The following JDP2 variants were observed in gnomAD, a reference collection of about 807,000 sequenced individuals.
JDP2 encodes progesterone receptor co-activator.
JDP2 carries 9 observed loss-of-function variants against 17.1 expected under a neutral mutation model. The ratio of observed to expected loss-of-function variants is 0.53; its 90% CI spans 0.32 to 0.92. The LOEUF is 0.92. Ranked by LOEUF, JDP2 falls within the 40% of genes least tolerant of loss-of-function variation. JDP2 has a pLI of 0.04. For missense variants in JDP2, 179 were observed against 220.0 expected, an observed-to-expected ratio of 0.81 and a Z score of 1.18; for synonymous variants, 107 against 95.6, an observed-to-expected ratio of 1.12 and a Z score of -0.69.
rs78076619 is a variant in JDP2, at chr14:75,469,587, A to C, written c.*112A>C. ...TCCTTTGGTGCATGAAAAACTGTAC[A>C]ATGAGGTTCAGCACAGCCAGCATCA... On this transcript the variant is annotated 3_prime_UTR_variant, in exon 4 of 4. Coordinates refer to ENST00000651602, the MANE Select transcript of JDP2 (RefSeq NM_001135048.2). 1.1e-6 allele frequency: 1 copy of C among 911,822 alleles called. No individual in the cohort carries two copies. Among genetic ancestry groups the C allele is most frequent in the East Asian group, 2.7e-5 (1 of 37,564 alleles). The allele number at this position is 911,822 out of a possible 1,614,324, so 56.5% of individuals were successfully genotyped here. A position where few individuals can be genotyped will look rare whatever the true frequency, so the allele number is the denominator to read the frequency against.
chr14:75,461,887 TGGGTGCCAATGAAGCTAG>T (rs1174253797), intron 3 of JDP2, among the ~76,000 whole-genome samples: 1 of 152,132 alleles, frequency 6.6e-6, no homozygotes, highest in African/African-American at 2.4e-5. Context: ...TCGTCTAGGG[TGGGTGCCAATGAAGCTAG>T]GTAGTAACAT....
At chr14:75,433,952 T>C (rs547925091) in intron 1 of JDP2, among the ~76,000 whole-genome samples, 2 of 152,318 alleles carry the variant, frequency 1.3e-5, no homozygotes, top group East Asian at 3.9e-4. Flanking sequence ...TCCTGGGCCC[T>C]GAAGGGAAAA....
At chr14:75,447,332 T>C (rs1885648435) in intron 2 of JDP2, among the ~76,000 whole-genome samples, 2 of 152,258 alleles carry the variant, frequency 1.3e-5, no homozygotes, top group Non-Finnish European at 1.5e-5. Context: ...ACGTCATCTC[T>C]GATCTGTTCC....
In JDP2 at chr14:75,473,693, A is replaced by G. The variant is rs1433913933; in HGVS notation, c.*4218A>G. 6.6e-6 allele frequency: 1 copy of G among 151,978 alleles called. No individual in the cohort carries two copies. The highest frequency in any genetic ancestry group is 6.5e-5 in the Admixed American group (1 of 15,272). 9.4% of individuals were successfully genotyped at this position (151,978 alleles called of 1,614,324 possible). On this transcript the variant is annotated 3_prime_UTR_variant, in exon 4 of 4. Transcript: ENST00000651602. ...CAATATGGATAAATCTCAGAAACCT[A>G]CTGTTGAGATGGAGGGTAGGGGAGT... is the stretch of plus-strand genomic sequence containing the variant.
At chr14:75,429,480 G>T (rs1271134605) in intron 1 of JDP2, among the ~76,000 whole-genome samples, 5 of 152,132 alleles carry the variant, frequency 3.3e-5, no homozygotes, top group African/African-American at 1.2e-4. Context: ...GTACCCAAAC[G>T]TCCTTTAAGC....
At chr14:75,456,395 G>A (rs563381160) in intron 2 of JDP2, among the ~76,000 whole-genome samples, 2 of 152,204 alleles carry the variant, frequency 1.3e-5, no homozygotes, top group Non-Finnish European at 1.5e-5. Flanking sequence ...CCTGTTTGTC[G>A]GGAGTGCTCT....
At chr14:75,458,571 T>C (rs1014986554) in intron 2 of JDP2, among the ~76,000 whole-genome samples, 3 of 152,242 alleles carry the variant, frequency 2.0e-5, no homozygotes, top group African/African-American at 7.2e-5. Context: ...CAGTCTATCA[T>C]TGAGCATTCA....
chr14:75,458,885 G>T (rs987893327), intron 2 of JDP2, among the ~76,000 whole-genome samples: 3 of 152,216 alleles, frequency 2.0e-5, no homozygotes, highest in African/African-American at 4.8e-5. Context: ...GAGACATTTG[G>T]ACTAGAGGGT....
intron 2 of JDP2, among the ~76,000 whole-genome samples, chr14:75,455,801 T>C (rs1477122988): frequency 6.6e-6 from 1 of 152,154 alleles, no homozygotes; most frequent in Non-Finnish European, 1.5e-5. Context: ...GTCCACCCCC[T>C]GTAAGTAGTT....
At chr14:75,460,964 C>T (rs1181736556) in intron 2 of JDP2, among the ~76,000 whole-genome samples, 1 of 152,156 alleles carries the variant, frequency 6.6e-6, no homozygotes, top group Non-Finnish European at 1.5e-5. Context: ...TTGTGAGGGC[C>T]TTCTTGCTGC....
intron 2 of JDP2, among the ~76,000 whole-genome samples, chr14:75,456,978 G>A (rs1302209013): frequency 6.6e-6 from 1 of 152,222 alleles, no homozygotes; most frequent in East Asian, 1.9e-4. Context: ...CTCACTGCCA[G>A]GACCCGGATG....
intron 2 of JDP2, among the ~76,000 whole-genome samples, chr14:75,457,592 G>T (rs771208336): frequency 2.2e-4 from 33 of 152,386 alleles, no homozygotes; most frequent in Non-Finnish European, 4.4e-4. Flanking sequence ...GCCTCATTGG[G>T]AGATACCAGC....
intron 2 of JDP2, among the ~76,000 whole-genome samples, chr14:75,457,756 C>T (rs1442756822): frequency 6.6e-5 from 10 of 152,248 alleles, no homozygotes; most frequent in Non-Finnish European, 7.3e-5. Flanking sequence ...TGTCAGGGGC[C>T]TGTGCCCCCA....
chr14:75,468,843 G>A (rs938550293), intron 3 of JDP2, among the ~76,000 whole-genome samples: 2 of 152,242 alleles, frequency 1.3e-5, no homozygotes, highest in Admixed American at 6.5e-5. Flanking sequence ...ATCAAAGCAC[G>A]TTGCCGTTAC....
In JDP2 at chr14:75,472,249, G is replaced by A. The variant is rs1234678189; in HGVS notation, c.*2774G>A. Reference sequence around the variant, plus strand: ...GTGCTAGCGTTCCAACATTACAGATGAGAAAACCGAGGCACACAGAAGAGG... The same window carrying A: ...GTGCTAGCGTTCCAACATTACAGATAAGAAAACCGAGGCACACAGAAGAGG... On this transcript the variant is annotated 3_prime_UTR_variant, in exon 4 of 4. Transcript: ENST00000651602. 2 of 152,266 alleles carry A rather than the reference G, an allele frequency of 1.3e-5. No individual in the cohort carries two copies. The highest frequency in any genetic ancestry group is 4.8e-5 in the African/African-American group (2 of 41,466). The allele number at this position is 152,266 out of a possible 1,614,324, so 9.4% of individuals were successfully genotyped here. A position where few individuals can be genotyped will look rare whatever the true frequency, so the allele number is the denominator to read the frequency against.
intron 2 of JDP2, among the ~76,000 whole-genome samples, chr14:75,458,199 T>C (rs10147826): frequency 0.45 from 68,919 of 151,950 alleles, 17,354 homozygotes; most frequent in African/African-American, 0.68. Flanking sequence ...TTCAGGGGTA[T>C]GTGTGCAGAT....
intron 3 of JDP2, among the ~76,000 whole-genome samples, chr14:75,465,957 C>T (rs1021561363): frequency 6.6e-6 from 1 of 152,114 alleles, no homozygotes; most frequent in Admixed American, 6.5e-5. Context: ...GAAAGATCTT[C>T]GCTCAGTTCC....
rs1005848867 is a variant in JDP2, at chr14:75,471,692, A to G, written c.*2217A>G. ...ACACACTTGGTGTGGACTCCCCTGC[A>G]CCCCGCCCTAGAAACAGGACCTGGT... On this transcript the variant is annotated 3_prime_UTR_variant, in exon 4 of 4. Coordinates refer to ENST00000651602, the MANE Select transcript of JDP2 (RefSeq NM_001135048.2). 2.0e-5 allele frequency: 3 copies of G among 150,764 alleles called. No homozygotes were observed. The highest frequency in any genetic ancestry group is 7.4e-5 in the African/African-American group (3 of 40,666). 9.3% of individuals were successfully genotyped at this position (150,764 alleles called of 1,614,324 possible).
Position 75,470,590 on chromosome 14 carries a change from C to T in JDP2, c.*1115C>T, listed in dbSNP as rs1886782228. 2 of 152,234 alleles carry T rather than the reference C, an allele frequency of 1.3e-5. No individual in the cohort carries two copies. 9.4% of individuals were successfully genotyped at this position (152,234 alleles called of 1,614,324 possible). ...TATTTCACAGATGAGGAAGCTAAGGCTCAGAGACATTAAGCCACCTGCAGT... is the reference window on the plus strand; with the variant it reads ...TATTTCACAGATGAGGAAGCTAAGGTTCAGAGACATTAAGCCACCTGCAGT... On this transcript the variant is annotated 3_prime_UTR_variant, in exon 4 of 4. Transcript: ENST00000651602.
Sources: allele counts gnomAD v4.1 joint callset (sites outside exome capture counted in the v4.1 genomes callset), GRCh38; gene constraint gnomAD v4.1.1; transcripts MANE v1.5; gene names NCBI Gene and HGNC (gene_info 2026-07-23, HGNC 2026-07-21).